Variants in COG6 observed in about 807,000 individuals in gnomAD.
The protein encoded by COG6 is conserved oligomeric Golgi complex subunit 6.
In COG6, 74 loss-of-function variants were observed where a neutral mutation model predicts 88.8. That is an observed-to-expected ratio of 0.83 (90% CI 0.69 to 1.01). The LOEUF (loss-of-function observed/expected upper bound fraction) is 1.01, where lower values mean the gene tolerates loss of function less well. Among genes scored for constraint, COG6 ranks in the 50% least tolerant of loss-of-function variants. The probability of loss-of-function intolerance (pLI) is 0.00; values close to 1 mark genes in which losing one functional copy is unlikely to be tolerated. For missense variants in COG6, 800 were observed against 797.9 expected, an observed-to-expected ratio of 1.00 and a Z score of -0.03; for synonymous variants, 286 against 278.7, an observed-to-expected ratio of 1.03 and a Z score of -0.26.
chr13:39,723,208 G>A, intron 15 of COG6, 125 bp from the exon 16 acceptor site: 2 of 673,274 alleles, frequency 3.0e-6, no homozygotes, highest in Admixed American at 2.2e-5. Flanking sequence ...CTGTTTGGGG[G>A]AAGAAAGAGG....
intron 13 of COG6, among the ~76,000 whole-genome samples, chr13:39,718,503 G>A (rs1396902286): frequency 1.1e-4 from 16 of 151,924 alleles, no homozygotes. Context: ...AGTGAACTTG[G>A]CATACCTTCT....
intron 13 of COG6, among the ~76,000 whole-genome samples, chr13:39,700,729 G>T (rs1877528949): frequency 1.3e-5 from 2 of 151,854 alleles, no homozygotes; most frequent in South Asian, 4.1e-4. Flanking sequence ...GACCAAATAA[G>T]TCTGGTTATT....
intron 13 of COG6, among the ~76,000 whole-genome samples, chr13:39,716,973 T>C (rs747512876): frequency 4.6e-5 from 7 of 152,200 alleles, no homozygotes; most frequent in Non-Finnish European, 8.8e-5. Context: ...TGGATCGAGT[T>C]ACTTTCTAGT....
At chr13:39,757,368 G>T (rs1480988058), downstream of COG6, among the ~76,000 whole-genome samples, 1 of 151,670 alleles carries the variant, frequency 6.6e-6, no homozygotes, top group South Asian at 2.1e-4. Context: ...TAAAGAGAAA[G>T]AAATAAATTA....
chr13:39,719,419 CTG>C (rs756819933), intron 14 of COG6, 52 bp downstream of exon 14: 7 of 1,558,488 alleles, frequency 4.5e-6, no homozygotes, highest in Admixed American at 3.5e-5. Context: ...CTATTGTACA[CTG>C]TGTTTCAATT....
At chr13:39,696,510 T>C (rs909874148) in intron 12 of COG6, among the ~76,000 whole-genome samples, 4 of 151,736 alleles carry the variant, frequency 2.6e-5, no homozygotes, top group African/African-American at 9.7e-5. Context: ...GAAAAGATCA[T>C]GGAGAAGAGT....
Position 39,734,094 on chromosome 13 carries a change from GTTTCAA to G in COG6, c.1826+6552_1826+6557del, listed in dbSNP as rs1694510060. ...TGTTTCATCACTCTTTTGTACTTTT[GTTTCAA>G]TTTCATATATTTCTGCTCTGATCTT... On this transcript the variant is annotated intron_variant, in intron 18 of 18. Coordinates refer to ENST00000455146, the MANE Select transcript of COG6 (RefSeq NM_020751.3). Among the ~76,000 whole-genome samples the G allele has an allele frequency of 5.3e-5, 8 of 151,802 alleles. No homozygotes were observed. In the South Asian group the frequency reaches 1.7e-3, roughly 32 times the overall value.
At chr13:39,752,725 C>A, downstream of COG6, 4 of 1,069,592 alleles carry the variant, frequency 3.7e-6, no homozygotes, top group Non-Finnish European at 1.2e-6. Flanking sequence ...CAACATAGGG[C>A]AAAACTGAGG....
chr13:39,704,227 C>T (rs1189080957), intron 13 of COG6, among the ~76,000 whole-genome samples: 1 of 152,044 alleles, frequency 6.6e-6, no homozygotes, highest in Non-Finnish European at 1.5e-5. Context: ...AACAGGAAAA[C>T]ATACAGTTGA....
At chr13:39,766,736 A>T (rs1359207725) in intron 18 of COG6, among the ~76,000 whole-genome samples, 2 of 152,206 alleles carry the variant, frequency 1.3e-5, no homozygotes, top group Admixed American at 1.3e-4. Context: ...GAAGAAGCAG[A>T]TGGGGATCTT....
At chr13:39,788,544 C>T (rs758530199) in exon 19 of COG6, 73 of 603,128 alleles carry the variant, frequency 1.2e-4, no homozygotes, top group Non-Finnish European at 1.9e-4. Flanking sequence ...CAAATGGAAA[C>T]TCAGATTTAC....
In COG6 at chr13:39,790,825, A is replaced by C. The variant is rs543182634; in HGVS notation, c.*2469A>C. 5.9e-5 allele frequency: 9 copies of C among 152,176 alleles called. No individual in the cohort carries two copies. In the East Asian group the frequency reaches 1.7e-3, roughly 29 times the overall value. 9.4% of individuals were successfully genotyped at this position (152,176 alleles called of 1,614,324 possible). ...TTATTTCTAGATACTTTTTGTTAAT[A>C]TATCATCTAACTGGTTGTTCTTCAT... On this transcript the variant is annotated 3_prime_UTR_variant, in exon 19 of 19. Transcript: ENST00000416691.
chr13:39,733,379 CG>C (rs1879562226), intron 18 of COG6, among the ~76,000 whole-genome samples: 1 of 151,680 alleles, frequency 6.6e-6, no homozygotes, highest in South Asian at 2.1e-4. Flanking sequence ...TTAGTAGAGA[CG>C]GGGTTTCACC....
At chr13:39,661,711 A>G (rs1178324520) in intron 3 of COG6, among the ~76,000 whole-genome samples, 1 of 151,542 alleles carries the variant, frequency 6.6e-6, no homozygotes, top group Non-Finnish European at 1.5e-5. Context: ...ATTTGACAAT[A>G]TTTAAATAAT....
At chr13:39,769,483 AG>A (rs1310543092) in intron 18 of COG6, among the ~76,000 whole-genome samples, 2 of 152,258 alleles carry the variant, frequency 1.3e-5, no homozygotes, top group Non-Finnish European at 2.9e-5. Context: ...TCTGCAAAGT[AG>A]GAATTATAAA....
chr13:39,681,337 TTCTC>T (rs1267419609), intron 7 of COG6, among the ~76,000 whole-genome samples: 1 of 152,200 alleles, frequency 6.6e-6, no homozygotes, highest in African/African-American at 2.4e-5. Flanking sequence ...TTGTCTGCCT[TTCTC>T]TCATTGCATC....
At chr13:39,672,618 A>G (rs1243621453) in intron 4 of COG6, among the ~76,000 whole-genome samples, 2 of 152,018 alleles carry the variant, frequency 1.3e-5, no homozygotes, top group African/African-American at 4.8e-5. Context: ...TTGTATAGCA[A>G]CACCACATTT....
chr13:39,722,757 C>G (rs775412915), intron 15 of COG6, among the ~76,000 whole-genome samples: 7 of 152,020 alleles, frequency 4.6e-5, no homozygotes, highest in Non-Finnish European at 1.0e-4. Context: ...GGAGCCCATA[C>G]TACTCACATC....
chr13:39,694,638 G>C lies in COG6; in HGVS notation c.1079G>C (p.Arg360Pro), dbSNP rs1268992012. Residue 360 changes from arginine (R) to proline (P), a missense_variant, in exon 12 of 19, where the codon CGA becomes CCA. Coordinates refer to ENST00000455146, the MANE Select transcript of COG6 (RefSeq NM_020751.3). Reference protein sequence around the residue: ...TEGVCRPLKVRIEQVIVAEPG... With the variant: ...TEGVCRPLKVPIEQVIVAEPG... The stretch of plus-strand genomic sequence containing the variant: ...TCCTCTCACATATTTTAATAGGTTC[G>C]AATTGAGCAAGTAATAGTTGCTGAA... The C allele has an allele frequency of 6.3e-7, 1 of 1,583,922 alleles. No individual in the cohort carries two copies. The highest frequency in any genetic ancestry group is 1.3e-5 in the African/African-American group (1 of 74,248).
Sources: allele counts gnomAD v4.1 joint callset (sites outside exome capture counted in the v4.1 genomes callset), GRCh38; gene constraint gnomAD v4.1.1; transcripts MANE v1.5; gene names NCBI Gene and HGNC (gene_info 2026-07-23, HGNC 2026-07-21).